The following MIA2 variants were observed in gnomAD, a reference collection of about 807,000 sequenced individuals.
MIA2 encodes the protein MIA SH3 domain ER export factor 2.
Under a neutral mutation model 167.8 loss-of-function variants are expected in MIA2, and 127 were observed. That is an observed-to-expected ratio of 0.76 (90% CI 0.66 to 0.88). MIA2 has a LOEUF of 0.88. Among genes scored for constraint, MIA2 ranks in the 40% least tolerant of loss-of-function variants. The probability of loss-of-function intolerance (pLI) is 0.00; values close to 1 mark genes in which losing one functional copy is unlikely to be tolerated. For missense variants in MIA2, 1,690 were observed against 1,624.7 expected, an observed-to-expected ratio of 1.04 and a Z score of -0.69; for synonymous variants, 552 against 541.9, an observed-to-expected ratio of 1.02 and a Z score of -0.26.
At chr14:39,323,160 C>G (rs2066789361) in intron 24 of MIA2, among the ~76,000 whole-genome samples, 1 of 152,144 alleles carries the variant, frequency 6.6e-6, no homozygotes, top group Admixed American at 6.5e-5. Flanking sequence ...GAGATATTCT[C>G]CCTTTGCCCA....
chr14:39,381,890 TTA>T (rs1253277043), intron 23 of MIA2, among the ~76,000 whole-genome samples: 6 of 152,104 alleles, frequency 3.9e-5, no homozygotes, highest in Admixed American at 1.3e-4. Flanking sequence ...CTTGCACAAT[TTA>T]TATGACTACT....
intron 6 of MIA2, among the ~76,000 whole-genome samples, chr14:39,262,530 A>G (rs533154585): frequency 6.6e-6 from 1 of 152,180 alleles, no homozygotes; most frequent in Non-Finnish European, 1.5e-5. Context: ...ACTTTAAAGT[A>G]GTTTTTTCCA....
At chr14:39,370,483 C>A in intron 23 of MIA2, 1 of 271,770 alleles carries the variant, frequency 3.7e-6, no homozygotes, top group South Asian at 4.7e-5. Flanking sequence ...AATGCCCTGT[C>A]GGAGCTTGAG....
chr14:39,236,843 T>C (rs2053768321), intron 1 of MIA2, 79 bp from the exon 2 acceptor site: 5 of 1,338,314 alleles, frequency 3.7e-6, no homozygotes, highest in East Asian at 4.8e-5. Context: ...ATAGGATGGA[T>C]TGAGGGACAG....
intron 25 of MIA2, among the ~76,000 whole-genome samples, chr14:39,340,033 G>A (rs1468710482): frequency 6.6e-5 from 10 of 152,190 alleles, no homozygotes; most frequent in Admixed American, 3.3e-4. Flanking sequence ...TGTAGAGACG[G>A]GGCCTCACTA....
At position 39,360,409 on chromosome 14, in the gene MIA2, A is replaced by T. The variant is rs140860851; in HGVS notation, c.2248+11432A>T. ...TTTCATATACCTGTTGGCCATTTGT[A>T]TGTCTTTGAGAATTTGAATTCATGT... On this transcript the variant is annotated intron_variant, in intron 23 of 23. Transcript: ENST00000341502. 2.0e-5 allele frequency among the ~76,000 whole-genome samples: 3 copies of T among 150,438 alleles called. 1 individual carries two copies. Among genetic ancestry groups the T allele is most frequent in the African/African-American group, 7.3e-5 (3 of 40,980 alleles).
intron 9 of MIA2, among the ~76,000 whole-genome samples, chr14:39,283,492 G>A (rs1056024604): frequency 6.6e-6 from 1 of 152,060 alleles, no homozygotes; most frequent in African/African-American, 2.4e-5. Context: ...GTTATTCAAA[G>A]GACAAAGGAC....
chr14:39,266,318 C>A, intron 6 of MIA2: 1 of 985,386 alleles, frequency 1.0e-6, no homozygotes, highest in African/African-American at 1.7e-5. Context: ...CTCCTACGAA[C>A]AAATCCAGCA....
intron 23 of MIA2, among the ~76,000 whole-genome samples, chr14:39,369,812 C>G (rs1595952479): frequency 6.6e-6 from 1 of 152,044 alleles, no homozygotes; most frequent in East Asian, 1.9e-4. Context: ...GGTAAAAGTT[C>G]AACTGAGCAT....
chr14:39,265,291 A>T, intron 6 of MIA2: 2 of 886,136 alleles, frequency 2.3e-6, no homozygotes, highest in Non-Finnish European at 3.6e-6. Flanking sequence ...TGGAAACAGA[A>T]GAGTGCAGGA....
At position 39,236,874 on chromosome 14, in the gene MIA2, T is replaced by C. The variant is rs1566580441; in HGVS notation, c.116-48T>C. The C allele has an allele frequency of 3.9e-6, 6 of 1,525,820 alleles. No individual in the cohort carries two copies. In the Middle Eastern group the frequency reaches 6.9e-4, roughly 176 times the overall value. 94.5% of individuals were successfully genotyped at this position (1,525,820 alleles called of 1,614,324 possible). A position where few individuals can be genotyped will look rare whatever the true frequency, so the allele number is the denominator to read the frequency against. On this transcript the variant is annotated intron_variant, in intron 1 of 28. Transcript: ENST00000640607. ...GACAGCAAGATGAAAGGAGGAGAAATATCATTTTAATTTAAAGTGTGTATT... is the reference window on the plus strand; with the variant it reads ...GACAGCAAGATGAAAGGAGGAGAAACATCATTTTAATTTAAAGTGTGTATT...
chr14:39,374,212 T>A (rs558124138), intron 23 of MIA2, among the ~76,000 whole-genome samples: 5 of 152,314 alleles, frequency 3.3e-5, no homozygotes, highest in Non-Finnish European at 7.3e-5. Context: ...TCAGAGTTGA[T>A]GAAAAATGTA....
chr14:39,355,111 G>C (rs1000394272), downstream of MIA2, among the ~76,000 whole-genome samples: 116 of 151,154 alleles, frequency 7.7e-4, no homozygotes, highest in Non-Finnish European at 1.4e-3. Context: ...TTGGTAGCTT[G>C]ATGGGGATGG....
chr14:39,344,386 A>G (rs1009106936), intron 25 of MIA2, among the ~76,000 whole-genome samples: 2 of 152,100 alleles, frequency 1.3e-5, no homozygotes, highest in Admixed American at 6.5e-5. Context: ...GATCTCAGTG[A>G]TTGGTATTGA....
At chr14:39,264,466 G>A (rs1318854340) in intron 6 of MIA2, among the ~76,000 whole-genome samples, 1 of 152,182 alleles carries the variant, frequency 6.6e-6, no homozygotes, top group Non-Finnish European at 1.5e-5. Context: ...ACCCAGTAAT[G>A]ACATTGCTGG....
At chr14:39,346,125 G>C in intron 26 of MIA2, 99 bp downstream of exon 26, 1 of 979,402 alleles carries the variant, frequency 1.0e-6, no homozygotes, top group South Asian at 1.6e-5. Flanking sequence ...ATCTCTAGTA[G>C]TTCCTAAGGC....
chr14:39,270,416 A>G (rs2056931916), intron 6 of MIA2, among the ~76,000 whole-genome samples: 1 of 151,322 alleles, frequency 6.6e-6, no homozygotes, highest in Non-Finnish European at 1.5e-5. Flanking sequence ...GGCCAGGATG[A>G]TCTCGATCTC....
chr14:39,378,280 A>T (rs2075083070), intron 23 of MIA2, among the ~76,000 whole-genome samples: 1 of 152,252 alleles, frequency 6.6e-6, no homozygotes, highest in Non-Finnish European at 1.5e-5. Flanking sequence ...ACAAAAAGTC[A>T]TAAAAGATTA....
chr14:39,343,053 C>T (rs2072363277), intron 25 of MIA2, among the ~76,000 whole-genome samples: 1 of 152,138 alleles, frequency 6.6e-6, no homozygotes, highest in Non-Finnish European at 1.5e-5. Context: ...AACAGTGCTG[C>T]AGCTAGCACC....
Sources: allele counts gnomAD v4.1 joint callset (sites outside exome capture counted in the v4.1 genomes callset), GRCh38; gene constraint gnomAD v4.1.1; transcripts MANE v1.5; gene names NCBI Gene and HGNC (gene_info 2026-07-23, HGNC 2026-07-21).